Variants in DOCK2 observed in about 807,000 individuals in gnomAD.
DOCK2 encodes the protein dedicator of cytokinesis protein 2.
DOCK2 carries 87 observed loss-of-function variants against 248.9 expected under a neutral mutation model. The observed-to-expected ratio is 0.35, with a 90% confidence interval of 0.29 to 0.42. DOCK2 has a LOEUF of 0.42. Among genes scored for constraint, DOCK2 ranks in the 10% least tolerant of loss-of-function variants. DOCK2 has a pLI of 1.00. For missense variants in DOCK2, 1,747 were observed against 2,300.2 expected (o/e 0.76, Z 4.92); for synonymous variants, 805 against 821.6 (o/e 0.98, Z 0.35).
intron 27 of DOCK2, among the ~76,000 whole-genome samples, chr5:169,963,919 A>G (rs530428039): frequency 1.3e-5 from 2 of 152,172 alleles, no homozygotes; most frequent in East Asian, 3.9e-4. Context: ...TGCATTTCAA[A>G]TAAGTTTTCG....
rs1355894415 is a variant in DOCK2, at chr5:170,076,133, G to T, written c.4866+49G>T. ...GAGGGGTGGGATTGTGCAGGGTGGG[G>T]CAGGGAAGCATGCTGGAGGCTGAAG... On this transcript the variant is annotated intron_variant, in intron 47 of 51. Coordinates refer to ENST00000520908, the MANE Select transcript of DOCK2 (RefSeq NM_004946.3). 13 of 1,590,862 alleles carry T rather than the reference G, an allele frequency of 8.2e-6. No homozygotes were observed. In the East Asian group the frequency reaches 2.5e-4, roughly 31 times the overall value.
chr5:169,821,509 C>T (rs982991359), intron 26 of DOCK2, among the ~76,000 whole-genome samples: 24 of 152,116 alleles, frequency 1.6e-4, no homozygotes, highest in African/African-American at 5.6e-4. Context: ...AATTTCATAT[C>T]CAGCCAAACT....
chr5:169,825,700 C>T (rs1322015903), intron 26 of DOCK2, among the ~76,000 whole-genome samples: 3 of 151,220 alleles, frequency 2.0e-5, no homozygotes, highest in Non-Finnish European at 4.4e-5. Context: ...AGCACACCAA[C>T]ATGTCACATG....
intron 1 of DOCK2, among the ~76,000 whole-genome samples, chr5:169,645,211 A>G (rs1290081738): frequency 6.6e-6 from 1 of 152,176 alleles, no homozygotes; most frequent in Non-Finnish European, 1.5e-5. Context: ...TCCTTGAGGA[A>G]TTGTTTTCCA....
rs890608936 is a variant in DOCK2, at chr5:169,840,971, A to G, written c.2799+119A>G. 4 of 1,120,238 alleles carry G rather than the reference A, an allele frequency of 3.6e-6. No homozygotes were observed. The African/African-American group carries it at 6.2e-5, about 17-fold the overall frequency. 69.4% of individuals were successfully genotyped at this position (1,120,238 alleles called of 1,614,324 possible). A position where few individuals can be genotyped will look rare whatever the true frequency, so the allele number is the denominator to read the frequency against. On this transcript the variant is annotated intron_variant, in intron 27 of 51. Coordinates refer to ENST00000520908, the MANE Select transcript of DOCK2 (RefSeq NM_004946.3). ...ATTGATCATTGCTTTGTTTTGGAGT[A>G]GGGTGACCAGATTTTTCCTGTCTGA...
intron 1 of DOCK2, among the ~76,000 whole-genome samples, chr5:169,650,374 G>A (rs1207504482): frequency 6.6e-6 from 1 of 152,134 alleles, no homozygotes; most frequent in African/African-American, 2.4e-5. Flanking sequence ...AGGTGGAGAA[G>A]TTGTTTACCC....
chr5:169,917,676 T>C (rs33368), intron 27 of DOCK2, among the ~76,000 whole-genome samples: 53,563 of 151,896 alleles, frequency 0.35, 9,929 homozygotes, highest in East Asian at 0.53. Flanking sequence ...GAAAGAGAAA[T>C]GAAGGGGAGA....
chr5:169,659,508 A>G (rs957152415), intron 2 of DOCK2, among the ~76,000 whole-genome samples: 1 of 152,286 alleles, frequency 6.6e-6, no homozygotes, highest in East Asian at 1.9e-4. Flanking sequence ...AATGGGTGAG[A>G]CTAGCCCTTC....
chr5:169,820,572 G>C (rs529654492), intron 26 of DOCK2, among the ~76,000 whole-genome samples: 1 of 135,632 alleles, frequency 7.4e-6, no homozygotes, highest in East Asian at 2.0e-4. Context: ...ACTGTTAAAA[G>C]GAAAACTAAC....
rs1762029515 is a variant in DOCK2 at position 169,718,643 on chromosome 5, T to C, written c.2133-14T>C. 5 of 1,607,278 alleles carry C rather than the reference T, an allele frequency of 3.1e-6. No homozygotes were observed. The highest frequency in any genetic ancestry group is 3.4e-5 in the Admixed American group (2 of 59,308). On this transcript the variant is annotated splice_polypyrimidine_tract_variant and intron_variant, in intron 21 of 51. Coordinates refer to ENST00000520908, the MANE Select transcript of DOCK2 (RefSeq NM_004946.3). ...TGAAAGAGATGTATTTTGAAAATAT[T>C]ATCCCTTATTCAGGAAATTGATGAC...
intron 6 of DOCK2, among the ~76,000 whole-genome samples, chr5:169,675,228 CTGGAGTCCAGGGCCTCCTGGAG>C (rs979791860): frequency 5.9e-5 from 9 of 152,316 alleles, no homozygotes; most frequent in South Asian, 2.1e-4. Flanking sequence ...CAGGGTCCAC[CTGGAGTCCAGGGCCTCCTGGAG>C]TGGAGTCCAG....
At position 170,069,157 on chromosome 5, in the gene DOCK2, T is replaced by C. The variant is rs1192022463; in HGVS notation, c.4665T>C (p.Tyr1555=). The part of the protein sequence containing the change: ...KYEKAFFTEE[Y]VRDHPEDQDK... ...CCCAGGCCTTCTTCACTGAAGAGTA[T>C]GTCAGGGACCACCCTGAGGACCAGG... is the stretch of plus-strand genomic sequence containing the variant. Residue 1555 remains tyrosine, a synonymous_variant, in exon 46 of 52, where the codon TAT becomes TAC. Transcript: ENST00000520908. 1.9e-6 allele frequency: 3 copies of C among 1,614,046 alleles called. No homozygotes were observed. Among genetic ancestry groups the C allele is most frequent in the Non-Finnish European group, 2.5e-6 (3 of 1,179,948 alleles).
chr5:169,898,657 C>T (rs1286070617), intron 27 of DOCK2, among the ~76,000 whole-genome samples: 2 of 152,156 alleles, frequency 1.3e-5, no homozygotes, highest in Admixed American at 6.5e-5. Context: ...TCAAAAAACT[C>T]TTTCAATCAA....
chr5:170,032,791 G>C (rs76927374), intron 34 of DOCK2, among the ~76,000 whole-genome samples: 4,049 of 152,168 alleles, frequency 0.027, 166 homozygotes, highest in African/African-American at 0.092. Flanking sequence ...TTGCAGCTTG[G>C]CTTGGCTTCT....
rs1488508900 is a variant in DOCK2 at position 169,998,606 on chromosome 5, A to C, written c.3072+2442A>C. On this transcript the variant is annotated intron_variant, in intron 30 of 51. Transcript: ENST00000520908. The stretch of plus-strand genomic sequence containing the variant: ...CTATTACTAATATTTTTTCTGCTCT[A>C]AGGAGGCAGGAAGTAAGACTCAGAG... Among the ~76,000 whole-genome samples the C allele has an allele frequency of 2.6e-5, 4 of 152,178 alleles. No individual in the cohort carries two copies. In the East Asian group the frequency reaches 5.8e-4, roughly 22 times the overall value.
intron 2 of DOCK2, 130 bp downstream of exon 2, chr5:169,654,616 A>T (rs1355971736): frequency 4.9e-6 from 4 of 823,652 alleles, no homozygotes; most frequent in Non-Finnish European, 5.7e-6. Context: ...TGGTAACGCT[A>T]GTAATTAGAA....
At chr5:169,996,059 G>A (rs774267980) in intron 29 of DOCK2, 27 bp from the exon 30 acceptor site, 2 of 1,611,896 alleles carry the variant, frequency 1.2e-6, no homozygotes, top group African/African-American at 1.3e-5. Flanking sequence ...TGCTCAGACA[G>A]TCTGGTAATT....
chr5:169,660,973 CA>C (rs67420015), intron 2 of DOCK2, among the ~76,000 whole-genome samples: 51,541 of 147,460 alleles, frequency 0.35, 8,969 homozygotes, highest in Middle Eastern at 0.51. Context: ...GACTTTAGTG[CA>C]AAAAAAAAAT....
intron 1 of DOCK2, among the ~76,000 whole-genome samples, chr5:169,648,196 CT>C (rs1409081494): frequency 6.6e-6 from 1 of 152,100 alleles, no homozygotes; most frequent in Non-Finnish European, 1.5e-5. Context: ...CCAGGAAAAT[CT>C]TTGTTATGGG....
Sources: allele counts gnomAD v4.1 joint callset (sites outside exome capture counted in the v4.1 genomes callset), GRCh38; gene constraint gnomAD v4.1.1; transcripts MANE v1.5; gene names NCBI Gene and HGNC (gene_info 2026-07-23, HGNC 2026-07-21).